Variants in ZNG1A observed in about 807,000 individuals in gnomAD.
ZNG1A encodes zinc-regulated GTPase metalloprotein activator 1A.
At chr9:133,871 C>T in the ZNG1A span, among the ~76,000 whole-genome samples, 1 of 151,544 alleles carries the variant, frequency 6.6e-6, no homozygotes, top group Non-Finnish European at 1.5e-5. Flanking sequence ...GCATTTCAAG[C>T]AAACTGCAAG....
At chr9:178,676 G>T in the ZNG1A span, 1 of 896,446 alleles carries the variant, frequency 1.1e-6, no homozygotes, top group Non-Finnish European at 1.7e-6. Flanking sequence ...CATACGAGAA[G>T]CAAGTGACCC....
At chr9:149,727 G>C in the ZNG1A span, among the ~76,000 whole-genome samples, 1 of 150,284 alleles carries the variant, frequency 6.7e-6, no homozygotes, top group African/African-American at 2.5e-5. Flanking sequence ...ATAGTAGGCA[G>C]TTTGTCAAAT....
At chr9:153,226 A>T in the ZNG1A span, 1 of 152,172 alleles carries the variant, frequency 6.6e-6, no homozygotes, top group Non-Finnish European at 1.5e-5. Context: ...AGCAATCACA[A>T]TGGTGCACAA....
chr9:172,483 AAAT>A, the ZNG1A span: 2 of 243,894 alleles, frequency 8.2e-6, no homozygotes, highest in African/African-American at 4.6e-5. Context: ...CCAACATACA[AAAT>A]AATGATAAAA....
At chr9:120,990 C>A in the ZNG1A span, 2 of 165,736 alleles carry the variant, frequency 1.2e-5, no homozygotes, top group South Asian at 1.4e-4. Context: ...AATGGAGAAA[C>A]CTGACAAACA....
At chr9:122,767 G>C in the ZNG1A span, 2 of 791,354 alleles carry the variant, frequency 2.5e-6, no homozygotes, top group African/African-American at 3.9e-5. Context: ...CTGCTTCCTA[G>C]AAGAAATACC....
At chr9:146,257 A>G in the ZNG1A span, 61 of 1,464,650 alleles carry the variant, frequency 4.2e-5, no homozygotes, top group Admixed American at 1.1e-4. Flanking sequence ...TTATACATAA[A>G]ATTCATAGAA....
At chr9:150,789 A>G in the ZNG1A span, 1 of 948,938 alleles carries the variant, frequency 1.1e-6, no homozygotes, top group Non-Finnish European at 1.2e-6. Context: ...TTGTTACATA[A>G]TAAACTAATC....
the ZNG1A span, among the ~76,000 whole-genome samples, chr9:159,843 G>C: frequency 6.6e-6 from 1 of 151,926 alleles, no homozygotes; most frequent in Non-Finnish European, 1.5e-5. Context: ...AAATGGATTG[G>C]TTACAGATGT....
chr9:153,805 A>ATT, the ZNG1A span: 3 of 149,856 alleles, frequency 2.0e-5, no homozygotes, highest in African/African-American at 7.3e-5. Context: ...ATGAACTGAG[A>ATT]TGACAGATTC....
chr9:167,697 G>T, the ZNG1A span: 1 of 150,036 alleles, frequency 6.7e-6, no homozygotes, highest in Non-Finnish European at 1.5e-5. Flanking sequence ...ATGAAACTAG[G>T]CCAATTAATA....
the ZNG1A span, among the ~76,000 whole-genome samples, chr9:126,652 C>T: frequency 6.6e-6 from 1 of 151,878 alleles, no homozygotes; most frequent in Non-Finnish European, 1.5e-5. Flanking sequence ...TTCAAAGAAC[C>T]AGCTTTTTGT....
the ZNG1A span, chr9:150,480 G>C: frequency 2.1e-6 from 2 of 971,934 alleles, no homozygotes; most frequent in Non-Finnish European, 2.4e-6. Flanking sequence ...CAAGGAATTT[G>C]AGAGAATATT....
the ZNG1A span, chr9:164,040 G>T: frequency 6.3e-7 from 1 of 1,580,404 alleles, no homozygotes; most frequent in Non-Finnish European, 8.6e-7. Context: ...CACTGCACCT[G>T]AAAATATATA....
the ZNG1A span, among the ~76,000 whole-genome samples, chr9:163,076 C>T: frequency 6.6e-6 from 1 of 150,422 alleles, no homozygotes; most frequent in African/African-American, 2.4e-5. Context: ...CAACCAGTTA[C>T]CCGCCACATA....
the ZNG1A span, among the ~76,000 whole-genome samples, chr9:175,941 C>A: frequency 6.7e-6 from 1 of 149,822 alleles, no homozygotes; most frequent in African/African-American, 2.5e-5. Flanking sequence ...AAGCATCCTT[C>A]GAAACCTGTT....
chr9:160,238 G>T, the ZNG1A span: 2 of 453,220 alleles, frequency 4.4e-6, no homozygotes, highest in South Asian at 3.1e-5. Context: ...AGTTTGGCTG[G>T]CTGGCCACAG....
the ZNG1A span, chr9:154,524 G>A: frequency 2.7e-5 from 16 of 592,906 alleles, no homozygotes; most frequent in South Asian, 3.2e-4. Flanking sequence ...GCAAGCACTG[G>A]GGACTAATTT....
the ZNG1A span, among the ~76,000 whole-genome samples, chr9:129,018 G>C: frequency 6.6e-6 from 1 of 151,526 alleles, no homozygotes; most frequent in African/African-American, 2.4e-5. Context: ...GCACAGAGTC[G>C]GGAGATGTGA....
Sources: allele counts gnomAD v4.1 joint callset (sites outside exome capture counted in the v4.1 genomes callset), GRCh38; gene constraint gnomAD v4.1.1; transcripts MANE v1.5; gene names NCBI Gene and HGNC (gene_info 2026-07-23, HGNC 2026-07-21).